Variants in DMD observed in about 807,000 individuals in gnomAD.
The protein encoded by DMD is mutant dystrophin.
Under a neutral mutation model 330.1 loss-of-function variants are expected in DMD, and 63 were observed. The ratio of observed to expected loss-of-function variants is 0.19; its 90% confidence interval spans 0.16 to 0.24. DMD has a LOEUF of 0.24. Among genes scored for constraint, DMD ranks in the 10% least tolerant of loss-of-function variants. DMD has a pLI of 1.00. For synonymous variants in DMD, 1,223 were observed against 959.8 expected (o/e 1.27, Z -5.07); for missense variants, 3,344 against 2,684.1 (o/e 1.25, Z -5.43).
At chrX:31,877,870 C>T (rs1167279805) in intron 47 of DMD, among the ~76,000 whole-genome samples, 3 of 111,701 alleles carry the variant, frequency 2.7e-5, no homozygotes, top group Non-Finnish European at 3.8e-5. Flanking sequence ...ATGTAAAAAG[C>T]GTTTTACAGC....
chrX:32,410,008 C>A (rs1276570808), intron 30 of DMD, among the ~76,000 whole-genome samples: 1 of 111,413 alleles, frequency 9.0e-6, no homozygotes, highest in Admixed American at 9.6e-5. Context: ...TATCAAAAAA[C>A]CTTTTTCATT....
chrX:31,748,809 G>C (rs1003428664), intron 51 of DMD, among the ~76,000 whole-genome samples: 2 of 111,679 alleles, frequency 1.8e-5, no homozygotes, highest in Admixed American at 9.6e-5. Context: ...GGAAAATGAA[G>C]CACGGAATGA....
chrX:31,869,381 T>G (rs1051569376), intron 48 of DMD, among the ~76,000 whole-genome samples: 15 of 103,958 alleles, frequency 1.4e-4, no homozygotes, highest in Non-Finnish European at 2.3e-4. Context: ...TGATCTATTT[T>G]GCATTTCTTT....
At chrX:32,365,725 G>A (rs2097852047) in intron 34 of DMD, among the ~76,000 whole-genome samples, 1 of 111,708 alleles carries the variant, frequency 9.0e-6, no homozygotes, top group South Asian at 3.7e-4. Context: ...GAAATACAAT[G>A]TGCAACACAT....
chrX:32,481,952 T>C (rs1037275956), intron 21 of DMD, among the ~76,000 whole-genome samples: 5 of 111,731 alleles, frequency 4.5e-5, no homozygotes, highest in Non-Finnish European at 7.5e-5. Context: ...AGCAATCTAA[T>C]GGTGTAGAAC....
chrX:32,457,900 A>ATAAT (rs2148377999), intron 25 of DMD, among the ~76,000 whole-genome samples: 1 of 110,644 alleles, frequency 9.0e-6, no homozygotes, highest in South Asian at 3.8e-4. Context: ...TAATAATTAA[A>ATAAT]ATATATAACC....
intron 2 of DMD, among the ~76,000 whole-genome samples, chrX:33,003,703 C>G (rs188849915): frequency 2.3e-4 from 26 of 111,638 alleles, no homozygotes; most frequent in Non-Finnish European, 3.8e-4. Context: ...TATAAATAGT[C>G]TCTGAATAAA....
At chrX:32,271,235 G>A (rs1373553744) in intron 43 of DMD, among the ~76,000 whole-genome samples, 1 of 111,936 alleles carries the variant, frequency 8.9e-6, no homozygotes, top group Non-Finnish European at 1.9e-5. Flanking sequence ...GACAAAATTT[G>A]CCTTTTTATG....
chrX:31,912,899 C>T (rs1396548533), intron 47 of DMD, among the ~76,000 whole-genome samples: 1 of 112,878 alleles, frequency 8.9e-6, no homozygotes, highest in African/African-American at 3.2e-5. Context: ...AAGTGTGATA[C>T]AAACAGAAGC....
chrX:32,469,752 T>C (rs1306113754), intron 22 of DMD, among the ~76,000 whole-genome samples: 5 of 111,148 alleles, frequency 4.5e-5, no homozygotes, highest in African/African-American at 9.8e-5. Context: ...ATGGCTTTTC[T>C]AGTTCAACAA....
intron 30 of DMD, among the ~76,000 whole-genome samples, chrX:32,402,607 A>C (rs2098092343): frequency 9.0e-6 from 1 of 111,660 alleles, no homozygotes; most frequent in Non-Finnish European, 1.9e-5. Context: ...TGCTTTCAAA[A>C]TATTAGATAT....
At chrX:32,731,865 C>T (rs1393334583) in intron 7 of DMD, among the ~76,000 whole-genome samples, 2 of 112,114 alleles carry the variant, frequency 1.8e-5, no homozygotes, top group Non-Finnish European at 3.8e-5. Flanking sequence ...CTCTCCTCCT[C>T]CAAAGGAACA....
Position 31,749,206 on chromosome X carries a change from A to C in DMD, c.7543-19458T>G, listed in dbSNP as rs192614808. 1.3e-3 allele frequency among the ~76,000 whole-genome samples: 143 copies of C among 108,357 alleles called. 2 individuals carry two copies. In the Middle Eastern group the frequency reaches 0.019, roughly 15 times the overall value. 94.1% of individuals were successfully genotyped at this position (108,357 alleles called of 115,157 possible). On this transcript the variant is annotated intron_variant, in intron 51 of 78. Coordinates refer to ENST00000357033, the MANE Select transcript of DMD (RefSeq NM_004006.3). ...TGTGCACAATGTGCAGGTTAGTTAC[A>C]TATGTATACATGTGCCATGCTGGCA...
intron 12 of DMD, among the ~76,000 whole-genome samples, chrX:32,596,891 T>C (rs950226778): frequency 9.0e-6 from 1 of 110,980 alleles, no homozygotes; most frequent in African/African-American, 3.3e-5. Flanking sequence ...TCCCTTCCGC[T>C]CAAACTACAA....
At chrX:31,340,953 C>T in intron 61 of DMD, among the ~76,000 whole-genome samples, 1 of 112,009 alleles carries the variant, frequency 8.9e-6, no homozygotes, top group African/African-American at 3.2e-5. Flanking sequence ...GTTAGTTATA[C>T]AAACAACTAT....
At chrX:31,898,793 T>C (rs997530724) in intron 47 of DMD, among the ~76,000 whole-genome samples, 7 of 112,222 alleles carry the variant, frequency 6.2e-5, no homozygotes, top group African/African-American at 1.6e-4. Flanking sequence ...GGTTGTAACA[T>C]GTAAAGTGAC....
At chrX:31,913,865 G>C (rs977324983) in intron 47 of DMD, among the ~76,000 whole-genome samples, 3 of 112,287 alleles carry the variant, frequency 2.7e-5, no homozygotes. Context: ...TCTAGAACTA[G>C]AGAACTTCAG....
At chrX:33,130,833 G>A (rs1241894322) in intron 1 of DMD, among the ~76,000 whole-genome samples, 1 of 111,760 alleles carries the variant, frequency 8.9e-6, no homozygotes, top group Admixed American at 9.5e-5. Flanking sequence ...TTACAGGCGT[G>A]AGCCACAGCG....
chrX:32,532,594 T>C (rs1439171885), intron 17 of DMD, among the ~76,000 whole-genome samples: 3 of 112,477 alleles, frequency 2.7e-5, no homozygotes, highest in Non-Finnish European at 5.6e-5. Context: ...CGTAATGCTA[T>C]TTTAAGTGTG....
Sources: gnomAD v4.1 joint callset for allele counts (sites outside exome capture counted in the v4.1 genomes callset) on GRCh38, gnomAD v4.1.1 for gene constraint, MANE v1.5 for transcripts, NCBI Gene and HGNC (gene_info 2026-07-23, HGNC 2026-07-21) for gene names.